Variants in ADGRL3 observed in about 807,000 individuals in gnomAD.
ADGRL3 encodes the protein adhesion G protein-coupled receptor L3.
In ADGRL3, 62 loss-of-function variants were observed where a neutral mutation model predicts 153.5. The ratio of observed to expected loss-of-function variants is 0.40; its 90% CI spans 0.33 to 0.50. The LOEUF (loss-of-function observed/expected upper bound fraction) is 0.50, where lower values mean the gene tolerates loss of function less well. ADGRL3 is among the 20% of genes least tolerant of loss of function. The pLI, the probability that ADGRL3 is intolerant of heterozygous loss-of-function variation, is 0.47. For synonymous variants in ADGRL3, 710 were observed against 672.5 expected, an observed-to-expected ratio of 1.06 and a Z score of -0.86; for missense variants, 1,641 against 1,859.4, an observed-to-expected ratio of 0.88 and a Z score of 2.16.
intron 3 of ADGRL3, among the ~76,000 whole-genome samples, chr4:61,498,090 C>T (rs2098341004): frequency 6.6e-6 from 1 of 151,792 alleles, no homozygotes; most frequent in Non-Finnish European, 1.5e-5. Flanking sequence ...AAGTAAAATC[C>T]CACTTATTCA....
At chr4:61,989,493 T>C (rs1158198576) in intron 19 of ADGRL3, among the ~76,000 whole-genome samples, 4 of 152,082 alleles carry the variant, frequency 2.6e-5, no homozygotes, top group Non-Finnish European at 5.9e-5. Context: ...GGAGTACATG[T>C]GTATGTTTAT....
At position 61,819,310 on chromosome 4, in the gene ADGRL3, T is replaced by G. The variant is rs537470728; in HGVS notation, c.1480+5421T>G. ...ATTGAAATTCTATCTCCAGTAATTT[T>G]TTTTGTGAGATTATATAGCAATATC... On this transcript the variant is annotated intron_variant, in intron 9 of 26. Transcript: ENST00000683033. 2.2e-4 allele frequency among the ~76,000 whole-genome samples: 33 copies of G among 152,256 alleles called. 1 individual carries two copies. The highest frequency in any genetic ancestry group is 1.2e-3 in the Admixed American group (19 of 15,292).
chr4:61,878,112 C>T (rs189053840), intron 9 of ADGRL3, among the ~76,000 whole-genome samples: 120 of 152,270 alleles, frequency 7.9e-4, no homozygotes, highest in African/African-American at 2.7e-3. Flanking sequence ...AATGTCTTTA[C>T]AGCAGTGTGG....
intron 9 of ADGRL3, among the ~76,000 whole-genome samples, chr4:61,867,916 G>A (rs2098412916): frequency 6.6e-6 from 1 of 152,006 alleles, no homozygotes; most frequent in African/African-American, 2.4e-5. Flanking sequence ...TCCCCTAAGT[G>A]GGTGTATAAA....
At chr4:61,407,560 G>A (rs2097018703) in intron 2 of ADGRL3, among the ~76,000 whole-genome samples, 1 of 152,096 alleles carries the variant, frequency 6.6e-6, no homozygotes, top group African/African-American at 2.4e-5. Context: ...AAAACAACCA[G>A]CTGTGTAAAC....
At chr4:61,776,657 C>G (rs2097155186) in intron 8 of ADGRL3, among the ~76,000 whole-genome samples, 1 of 152,026 alleles carries the variant, frequency 6.6e-6, no homozygotes, top group South Asian at 2.1e-4. Flanking sequence ...TGAAAAGTAT[C>G]TTTACAAAGT....
intron 1 of ADGRL3, among the ~76,000 whole-genome samples, chr4:61,368,249 C>T (rs1247399768): frequency 1.3e-5 from 2 of 152,072 alleles, no homozygotes; most frequent in African/African-American, 2.4e-5. Context: ...TAATTAGATC[C>T]CATTTGTCAA....
intron 4 of ADGRL3, among the ~76,000 whole-genome samples, chr4:61,575,803 A>G (rs2098873745): frequency 6.6e-6 from 1 of 151,742 alleles, no homozygotes. Context: ...TTGAGGAAAC[A>G]TATGTGTAGA....
At chr4:61,679,532 T>C (rs981776874) in intron 6 of ADGRL3, among the ~76,000 whole-genome samples, 3 of 152,118 alleles carry the variant, frequency 2.0e-5, no homozygotes, top group African/African-American at 7.2e-5. Flanking sequence ...AATTAATGAC[T>C]CTTTAATGAT....
intron 2 of ADGRL3, among the ~76,000 whole-genome samples, chr4:61,496,028 T>C (rs1384653551): frequency 6.6e-6 from 1 of 152,228 alleles, no homozygotes; most frequent in Non-Finnish European, 1.5e-5. Context: ...TACATTGTTA[T>C]TTAGATAATA....
At chr4:61,578,174 T>C (rs2149243982) in intron 4 of ADGRL3, among the ~76,000 whole-genome samples, 1 of 152,200 alleles carries the variant, frequency 6.6e-6, no homozygotes, top group East Asian at 1.9e-4. Flanking sequence ...CCTTTCCTGT[T>C]TTCTCTGTGT....
At chr4:61,764,841 C>A (rs2096957056) in intron 8 of ADGRL3, among the ~76,000 whole-genome samples, 1 of 151,250 alleles carries the variant, frequency 6.6e-6, no homozygotes, top group African/African-American at 2.4e-5. Flanking sequence ...GGCGTGGGAA[C>A]CTAGAGTGGG....
intron 21 of ADGRL3, among the ~76,000 whole-genome samples, chr4:62,015,850 C>G (rs946133984): frequency 6.6e-6 from 1 of 151,766 alleles, no homozygotes; most frequent in East Asian, 1.9e-4. Context: ...ATATCTTCTT[C>G]AAGTCTGTTA....
At chr4:61,921,522 G>A (rs190896130) in intron 13 of ADGRL3, among the ~76,000 whole-genome samples, 4 of 152,180 alleles carry the variant, frequency 2.6e-5, no homozygotes, top group African/African-American at 9.6e-5. Flanking sequence ...GGGTTCAAGC[G>A]CTTCTCTCCC....
At chr4:61,451,832 T>A (rs2097678037) in intron 2 of ADGRL3, among the ~76,000 whole-genome samples, 4 of 152,210 alleles carry the variant, frequency 2.6e-5, no homozygotes, top group African/African-American at 9.6e-5. Flanking sequence ...TAATCATTTT[T>A]TATTTTAGTG....
At chr4:62,057,467 T>G (rs1307413833) in intron 25 of ADGRL3, among the ~76,000 whole-genome samples, 1 of 152,178 alleles carries the variant, frequency 6.6e-6, no homozygotes, top group Non-Finnish European at 1.5e-5. Context: ...AGAACTTTCT[T>G]AAAATGACTA....
intron 2 of ADGRL3, among the ~76,000 whole-genome samples, chr4:61,398,273 T>A (rs767383861): frequency 6.6e-6 from 1 of 151,814 alleles, no homozygotes; most frequent in Non-Finnish European, 1.5e-5. Context: ...GATTTTTACT[T>A]TGAATTTGGG....
At chr4:61,362,345 T>C (rs2402979) in intron 1 of ADGRL3, among the ~76,000 whole-genome samples, 169 of 149,906 alleles carry the variant, frequency 1.1e-3, no homozygotes, top group Middle Eastern at 0.011. Context: ...TATATATATA[T>C]ACACACACAC....
At chr4:61,856,599 TCTCTC>T (rs148115601) in intron 9 of ADGRL3, among the ~76,000 whole-genome samples, 4,641 of 34,354 alleles carry the variant, frequency 0.14, 889 homozygotes, top group Non-Finnish European at 0.24. Flanking sequence ...TCTCTCTCTC[TCTCTC>T]TTTTTTTTTT....
Sources: gnomAD v4.1 joint callset for allele counts (sites outside exome capture counted in the v4.1 genomes callset) on GRCh38, gnomAD v4.1.1 for gene constraint, MANE v1.5 for transcripts, NCBI Gene and HGNC (gene_info 2026-07-23, HGNC 2026-07-21) for gene names.